Variants in SPIDR observed in about 807,000 individuals in gnomAD.
SPIDR encodes the protein scaffold protein involved in DNA repair.
A neutral mutation model predicts 104.6 loss-of-function variants in SPIDR; 93 were observed. The observed-to-expected ratio is 0.89, with a 90% CI of 0.75 to 1.06. The LOEUF is 1.06. Among genes scored for constraint, SPIDR ranks in the 50% least tolerant of loss-of-function variants. SPIDR has a pLI of 0.00. For synonymous variants in SPIDR, 431 were observed against 416.9 expected (o/e 1.03, Z -0.41); for missense variants, 1,154 against 1,111.2 (o/e 1.04, Z -0.55).
At chr8:47,626,811 AT>A (rs1039058013) in intron 10 of SPIDR, among the ~76,000 whole-genome samples, 81 of 152,310 alleles carry the variant, frequency 5.3e-4, no homozygotes, top group African/African-American at 1.9e-3. Context: ...TAGTTCAACC[AT>A]TGTGGAAGTC....
intron 7 of SPIDR, among the ~76,000 whole-genome samples, chr8:47,424,580 T>A (rs1554683358): frequency 6.6e-6 from 1 of 152,168 alleles, no homozygotes; most frequent in East Asian, 1.9e-4. Flanking sequence ...AGTCTCCCAA[T>A]GAATTGGAAT....
intron 8 of SPIDR, among the ~76,000 whole-genome samples, chr8:47,560,524 A>G (rs966132343): frequency 6.6e-6 from 1 of 152,050 alleles, no homozygotes; most frequent in African/African-American, 2.4e-5. Flanking sequence ...CTGTAGAAGC[A>G]CTCCACCAGA....
chr8:47,308,679 G>A (rs1395796398), intron 5 of SPIDR, among the ~76,000 whole-genome samples: 1 of 152,218 alleles, frequency 6.6e-6, no homozygotes, highest in African/African-American at 2.4e-5. Flanking sequence ...ACAGTGAGTG[G>A]AGATGAAGCA....
intron 10 of SPIDR, among the ~76,000 whole-genome samples, chr8:47,606,272 C>G (rs2062929019): frequency 6.6e-6 from 1 of 151,960 alleles, no homozygotes; most frequent in Non-Finnish European, 1.5e-5. Context: ...GTAATCCCAG[C>G]ACTTTGGGAG....
chr8:47,679,622 C>T (rs928259276), intron 11 of SPIDR, among the ~76,000 whole-genome samples: 6 of 151,572 alleles, frequency 4.0e-5, no homozygotes, highest in South Asian at 2.1e-4. Flanking sequence ...GCCATGTGCC[C>T]GCCTGCCTCC....
intron 5 of SPIDR, among the ~76,000 whole-genome samples, chr8:47,391,553 A>G (rs1301561741): frequency 3.9e-5 from 6 of 152,004 alleles, no homozygotes; most frequent in African/African-American, 1.5e-4. Context: ...AAAAACAAAA[A>G]ACAAACAAAG....
At chr8:47,592,345 CAT>C (rs2061129176) in intron 8 of SPIDR, 3 of 1,196,682 alleles carry the variant, frequency 2.5e-6, no homozygotes, top group Admixed American at 3.4e-5. Flanking sequence ...AATATCGAAA[CAT>C]ATTCTTCCCA....
At chr8:47,519,966 C>G (rs1395110326) in intron 8 of SPIDR, among the ~76,000 whole-genome samples, 1 of 152,128 alleles carries the variant, frequency 6.6e-6, no homozygotes, top group Non-Finnish European at 1.5e-5. Context: ...TTTTAAAATT[C>G]TACCTCTCGT....
At chr8:47,359,918 C>G (rs901245535) in intron 5 of SPIDR, among the ~76,000 whole-genome samples, 1 of 152,120 alleles carries the variant, frequency 6.6e-6, no homozygotes, top group Non-Finnish European at 1.5e-5. Context: ...TTGAAAGAGC[C>G]TGGAACAATT....
intron 5 of SPIDR, among the ~76,000 whole-genome samples, chr8:47,379,497 T>C (rs1554644253): frequency 1.3e-5 from 2 of 152,172 alleles, no homozygotes; most frequent in South Asian, 4.1e-4. Flanking sequence ...ATCACTGCCC[T>C]CCAGCCTGGG....
intron 5 of SPIDR, among the ~76,000 whole-genome samples, chr8:47,320,813 A>T (rs1458243706): frequency 1.3e-5 from 2 of 152,202 alleles, no homozygotes; most frequent in African/African-American, 4.8e-5. Flanking sequence ...CAATAAACAT[A>T]ATCCATCATA....
intron 8 of SPIDR, among the ~76,000 whole-genome samples, chr8:47,469,830 A>G (rs1230432048): frequency 1.3e-5 from 2 of 152,208 alleles, no homozygotes; most frequent in South Asian, 2.1e-4. Flanking sequence ...TATGTTACCT[A>G]TATAACAAAC....
At chr8:47,315,173 G>C (rs1289322724) in intron 5 of SPIDR, among the ~76,000 whole-genome samples, 2 of 152,066 alleles carry the variant, frequency 1.3e-5, no homozygotes, top group African/African-American at 4.8e-5. Context: ...CAAAAAATCA[G>C]TTAGAATATA....
chr8:47,268,876 A>G (rs1340813184), intron 1 of SPIDR, among the ~76,000 whole-genome samples: 5 of 152,110 alleles, frequency 3.3e-5, no homozygotes, highest in Non-Finnish European at 7.4e-5. Flanking sequence ...CCTGTGTACA[A>G]GGTCATGCAG....
At chr8:47,275,724 G>A (rs1286452795) in intron 1 of SPIDR, among the ~76,000 whole-genome samples, 1 of 152,136 alleles carries the variant, frequency 6.6e-6, no homozygotes, top group East Asian at 1.9e-4. Context: ...ATGTCACGTT[G>A]GTAGCTGGGT....
chr8:47,460,121 G>C (rs1329034868), intron 8 of SPIDR, among the ~76,000 whole-genome samples: 4 of 152,078 alleles, frequency 2.6e-5, no homozygotes, highest in Admixed American at 2.0e-4. Flanking sequence ...TGTTTGTTGG[G>C]TAGAATATTT....
At chr8:47,693,807 A>G (rs145710667) in intron 11 of SPIDR, among the ~76,000 whole-genome samples, 127 of 152,336 alleles carry the variant, frequency 8.3e-4, no homozygotes, top group African/African-American at 2.7e-3. Context: ...ACAGAACCCA[A>G]CAGTGATTCT....
intron 8 of SPIDR, among the ~76,000 whole-genome samples, chr8:47,441,588 C>T (rs1260121634): frequency 6.6e-5 from 10 of 151,340 alleles, no homozygotes; most frequent in African/African-American, 1.5e-4. Flanking sequence ...TGACTTTTTA[C>T]GTTTTTAGGG....
At chr8:47,353,056 A>AG (rs2053857139) in intron 5 of SPIDR, among the ~76,000 whole-genome samples, 1 of 151,106 alleles carries the variant, frequency 6.6e-6, no homozygotes, top group Admixed American at 6.6e-5. Context: ...CTATCTCAAA[A>AG]AAAAAAAAAA....
Sources: allele counts gnomAD v4.1 joint callset (sites outside exome capture counted in the v4.1 genomes callset), GRCh38; gene constraint gnomAD v4.1.1; transcripts MANE v1.5; gene names NCBI Gene and HGNC (gene_info 2026-07-23, HGNC 2026-07-21).